The following ITGAM variants were observed in gnomAD, a reference collection of about 807,000 sequenced individuals.
The protein encoded by ITGAM is integrin subunit alpha M, also known as integrin alpha-M.
Under a neutral mutation model 137.5 loss-of-function variants are expected in ITGAM, and 79 were observed. That is an observed-to-expected ratio of 0.57 (90% CI 0.48 to 0.69). ITGAM has a LOEUF of 0.69. Ranked by LOEUF, ITGAM falls within the 30% of genes least tolerant of loss-of-function variation. ITGAM has a pLI of 0.00. For missense variants in ITGAM, 1,343 were observed against 1,483.5 expected (o/e 0.91, Z 1.56); for synonymous variants, 583 against 592.3 (o/e 0.98, Z 0.23).
Position 31,271,909 on chromosome 16 carries a change from C to T in ITGAM, c.621C>T (p.Asn207=), listed in dbSNP as rs1480422841. The T allele has an allele frequency of 1.2e-6, 2 of 1,614,008 alleles. No homozygotes were observed. Among genetic ancestry groups the T allele is most frequent in the South Asian group, 1.1e-5 (1 of 91,088 alleles). ...ACTTTACCTTCAAAGAGTTCCAGAA[C>T]AACCCTAACCCAAGATCACTGGTGA... ...RIHFTFKEFQ[N]NPNPRSLVKP... Residue 207 remains asparagine (N), a synonymous_variant, in exon 7 of 30, where the codon AAC becomes AAT. Transcript: ENST00000544665.
chr16:31,330,972 TAG>T (rs913255044), intron 28 of ITGAM, among the ~76,000 whole-genome samples, 191 bp from the exon 29 acceptor site: 1 of 140,226 alleles, frequency 7.1e-6, no homozygotes, highest in Non-Finnish European at 1.5e-5. Flanking sequence ...CAGAAAGCGA[TAG>T]AGAGAGATAG....
In ITGAM at chr16:31,263,993, G is replaced by A. The variant is rs374467655; in HGVS notation, c.135-1402G>A. On this transcript the variant is annotated intron_variant, in intron 2 of 29. Transcript: ENST00000544665. Reference sequence around the variant, plus strand: ...TGGGACTACAGGTGCGTGCCACCACGCCTGGCTAATTTTTTTGTATTTTTA... The same window carrying A: ...TGGGACTACAGGTGCGTGCCACCACACCTGGCTAATTTTTTTGTATTTTTA... 9.4e-4 allele frequency among the ~76,000 whole-genome samples: 141 copies of A among 150,594 alleles called. 3 individuals are homozygous for A. In the East Asian group the frequency reaches 0.025, roughly 27 times the overall value.
chr16:31,300,333 T>G (rs968295706), intron 14 of ITGAM, among the ~76,000 whole-genome samples: 2 of 152,234 alleles, frequency 1.3e-5, no homozygotes, highest in Admixed American at 1.3e-4. Context: ...GTAGTTCTAT[T>G]TCTAATTTTT....
intron 2 of ITGAM, among the ~76,000 whole-genome samples, chr16:31,262,350 T>A (rs2079712272): frequency 2.6e-5 from 2 of 78,392 alleles, no homozygotes; most frequent in East Asian, 2.8e-4. Context: ...CTTCCTTCCT[T>A]CCTTCCTTCC....
At chr16:31,267,189 T>C (rs567815745) in intron 5 of ITGAM, among the ~76,000 whole-genome samples, 3 of 152,070 alleles carry the variant, frequency 2.0e-5, no homozygotes, top group African/African-American at 7.2e-5. Context: ...CTGGCCAGAG[T>C]GCGTGGATCT....
rs989802249 is a variant in ITGAM at position 31,331,790 on chromosome 16, G to T, written c.*83G>T. 2 of 1,091,780 alleles carry T rather than the reference G, an allele frequency of 1.8e-6. No homozygotes were observed. Among genetic ancestry groups the T allele is most frequent in the Non-Finnish European group, 2.6e-6 (2 of 759,692 alleles). The allele number at this position is 1,091,780 out of a possible 1,614,324, so 67.6% of individuals were successfully genotyped here. On this transcript the variant is annotated 3_prime_UTR_variant, in exon 30 of 30. Coordinates refer to ENST00000544665, the MANE Select transcript of ITGAM (RefSeq NM_000632.4). The stretch of plus-strand genomic sequence containing the variant: ...ACGTAGCCCCCAGGCTGCTGGACAC[G>T]TCGGACAGCGAAGTATCCCCGACAG...
In ITGAM at chr16:31,331,767, G is replaced by A. The variant is rs189160804; in HGVS notation, c.*60G>A. 235 of 1,321,154 alleles carry A rather than the reference G, an allele frequency of 1.8e-4. No homozygotes were observed. In the African/African-American group the frequency reaches 3.1e-3, roughly 17 times the overall value. The allele number at this position is 1,321,154 out of a possible 1,614,324, so 81.8% of individuals were successfully genotyped here. On this transcript the variant is annotated 3_prime_UTR_variant, in exon 30 of 30. Coordinates refer to ENST00000544665, the MANE Select transcript of ITGAM (RefSeq NM_000632.4). ...CAGCAGGACTCTGCCCAGACCACAC[G>A]TAGCCCCCAGGCTGCTGGACACGTC...
At chr16:31,269,301 T>C (rs1400113591) in intron 5 of ITGAM, among the ~76,000 whole-genome samples, 3 of 152,218 alleles carry the variant, frequency 2.0e-5, no homozygotes, top group African/African-American at 7.2e-5. Context: ...CAGAATCTTG[T>C]AGCCTCCAGC....
chr16:31,316,657 A>G (rs935791535), intron 14 of ITGAM, among the ~76,000 whole-genome samples: 1 of 152,154 alleles, frequency 6.6e-6, no homozygotes, highest in Admixed American at 6.5e-5. Flanking sequence ...AAGAAATGCC[A>G]TTGGGATTTT....
chr16:31,314,703 G>A (rs2080371817), intron 14 of ITGAM, among the ~76,000 whole-genome samples: 1 of 152,018 alleles, frequency 6.6e-6, no homozygotes, highest in South Asian at 2.1e-4. Context: ...GATTGTCTTG[G>A]CTATATGGGC....
chr16:31,270,727 A>G lies in ITGAM; in HGVS notation c.428-227A>G, dbSNP rs553009270. Among the ~76,000 whole-genome samples the G allele has an allele frequency of 3.6e-4, 39 of 109,602 alleles. 4 individuals carry two copies. Among genetic ancestry groups the G allele is most frequent in the Middle Eastern group, 4.3e-3 (1 of 232 alleles). 71.9% of individuals were successfully genotyped at this position (109,602 alleles called of 152,430 possible). ...TATATATATATATATATATATATAT[A>G]TATATATATATATATATGTTTTTAA... is the stretch of plus-strand genomic sequence containing the variant. On this transcript the variant is annotated intron_variant, in intron 5 of 29. Transcript: ENST00000544665.
At chr16:31,276,395 G>A (rs1293067733) in intron 9 of ITGAM, among the ~76,000 whole-genome samples, 2 of 151,916 alleles carry the variant, frequency 1.3e-5, no homozygotes, top group South Asian at 2.1e-4. Flanking sequence ...GCAGTGGTGC[G>A]ATCTTGGCTC....
At chr16:31,322,861 G>C (rs1460677469) in intron 16 of ITGAM, among the ~76,000 whole-genome samples, 1 of 152,170 alleles carries the variant, frequency 6.6e-6, no homozygotes, top group Non-Finnish European at 1.5e-5. Context: ...ATTTATAGCA[G>C]ATTAGAAGCA....
intron 14 of ITGAM, among the ~76,000 whole-genome samples, chr16:31,303,320 C>T (rs2080234534): frequency 6.6e-6 from 1 of 152,112 alleles, no homozygotes; most frequent in Non-Finnish European, 1.5e-5. Flanking sequence ...AGCCACTGCA[C>T]CCAGCCAAAG....
At chr16:31,269,541 G>C (rs2079805830) in intron 5 of ITGAM, among the ~76,000 whole-genome samples, 1 of 152,200 alleles carries the variant, frequency 6.6e-6, no homozygotes, top group Non-Finnish European at 1.5e-5. Flanking sequence ...AATCAGTTAA[G>C]TTAGATCTCT....
rs1324362332 is a variant in ITGAM at position 31,324,995 on chromosome 16, G to A, written c.2327G>A (p.Cys776Tyr). Residue 776 changes from cysteine to tyrosine, a missense_variant, in exon 19 of 30, where the codon TGC becomes TAC. By Grantham distance (194) the Cys-to-Tyr change is radical. Coordinates refer to ENST00000544665, the MANE Select transcript of ITGAM (RefSeq NM_000632.4). The surrounding 1 kb of genome is among the most constrained non-coding windows in gnomAD (Gnocchi z 4.5). ...FEKNCGNDNICQDDLSITFSF... is the reference protein window; with the variant it reads ...FEKNCGNDNIYQDDLSITFSF... Reference sequence around the variant, plus strand: ...AAGAATTGTGGCAATGACAACATCTGCCAGGATGACCTCAGCATCACCTTC... The same window carrying A: ...AAGAATTGTGGCAATGACAACATCTACCAGGATGACCTCAGCATCACCTTC... 1.2e-6 allele frequency: 2 copies of A among 1,613,150 alleles called. 1 individual carries two copies. The highest frequency in any genetic ancestry group is 2.2e-5 in the South Asian group (2 of 90,978).
intron 9 of ITGAM, 98 bp downstream of exon 9, chr16:31,275,797 A>G: frequency 1.7e-6 from 2 of 1,168,526 alleles, no homozygotes. Flanking sequence ...AACCCTTGGT[A>G]TCCCCCAGCA....
intron 8 of ITGAM, among the ~76,000 whole-genome samples, chr16:31,274,780 A>C (rs1399949376): frequency 6.6e-6 from 1 of 151,732 alleles, no homozygotes; most frequent in African/African-American, 2.4e-5. Context: ...ATGCCTGGCT[A>C]ATTTTTGTTT....
intron 5 of ITGAM, among the ~76,000 whole-genome samples, chr16:31,267,870 C>T (rs949126841): frequency 6.6e-6 from 1 of 152,088 alleles, no homozygotes; most frequent in African/African-American, 2.4e-5. Flanking sequence ...TCTCGAATTC[C>T]TGGGCTCAAG....
Sources: gnomAD v4.1 joint callset for allele counts (sites outside exome capture counted in the v4.1 genomes callset) on GRCh38, gnomAD v4.1.1 for gene constraint, Gnocchi (gnomAD v3.1) non-coding constraint, MANE v1.5 for transcripts, NCBI Gene and HGNC (gene_info 2026-07-23, HGNC 2026-07-21) for gene names.